FGF13: variants seen among roughly 807,000 people sequenced by gnomAD.
The protein encoded by FGF13 is fibroblast growth factor 13.
A neutral mutation model predicts 19.5 loss-of-function variants in FGF13; 2 were observed. The observed-to-expected ratio is 0.10, with a 90% CI of 0.04 to 0.32. FGF13 has a LOEUF of 0.32. FGF13 is among the 10% of genes least tolerant of loss of function. The probability of loss-of-function intolerance (pLI) is 1.00; values close to 1 mark genes in which losing one functional copy is unlikely to be tolerated. For missense variants in FGF13, 113 were observed against 192.7 expected (o/e 0.59, Z 2.45); for synonymous variants, 72 against 76.9 (o/e 0.94, Z 0.33).
intron 1 of FGF13, among the ~76,000 whole-genome samples, chrX:138,984,578 GAAGAAGA>G (rs2091981837): frequency 1.8e-5 from 1 of 56,515 alleles, no homozygotes; most frequent in African/African-American, 6.8e-5. Context: ...AGAAGAAGAA[GAAGAAGA>G]AGAAGGAGGA....
chrX:139,178,079 C>T (rs1409297298), intron 1 of FGF13, among the ~76,000 whole-genome samples: 1 of 111,718 alleles, frequency 9.0e-6, no homozygotes, highest in Admixed American at 9.5e-5. Flanking sequence ...GAGCTGGGTA[C>T]CTCAGTTGGA....
At chrX:139,171,154 T>C (rs1049044284) in intron 1 of FGF13, among the ~76,000 whole-genome samples, 1 of 110,067 alleles carries the variant, frequency 9.1e-6, no homozygotes, top group Non-Finnish European at 1.9e-5. Flanking sequence ...AACTGGATTA[T>C]GAGAACCTAG....
At chrX:139,029,007 G>A (rs950232494) in intron 1 of FGF13, among the ~76,000 whole-genome samples, 6 of 110,560 alleles carry the variant, frequency 5.4e-5, no homozygotes, top group African/African-American at 2.0e-4. Flanking sequence ...GTAGCTGTAT[G>A]ACCTTAAGGA....
intron 1 of FGF13, among the ~76,000 whole-genome samples, chrX:139,133,581 T>TA (rs2148234749): frequency 9.0e-6 from 1 of 110,949 alleles, no homozygotes; most frequent in African/African-American, 3.3e-5. Flanking sequence ...ACTATGCAAT[T>TA]ATAGTGCTCT....
chrX:138,728,968 T>A (rs1397601872), intron 1 of FGF13, among the ~76,000 whole-genome samples: 1 of 111,077 alleles, frequency 9.0e-6, no homozygotes, highest in Non-Finnish European at 1.9e-5. Context: ...TCACTAAAGC[T>A]CAGATCTAGA....
chrX:139,124,410 G>A (rs1196689363), intron 1 of FGF13, among the ~76,000 whole-genome samples: 1 of 111,993 alleles, frequency 8.9e-6, no homozygotes, highest in East Asian at 2.8e-4. Flanking sequence ...TTCTTCTTCA[G>A]GATAAACATC....
At chrX:139,147,717 G>A (rs767030660) in intron 1 of FGF13, among the ~76,000 whole-genome samples, 2 of 110,908 alleles carry the variant, frequency 1.8e-5, no homozygotes, top group Non-Finnish European at 3.8e-5. Flanking sequence ...CTCTGCCCTC[G>A]TCTTCATATG....
At position 138,620,518 on chromosome X, in the gene FGF13, A is replaced by G. The variant is rs1026952547; in HGVS notation, c.*12332T>C. ...AAAAAAAAAGAAATCAAACCATAGT[A>G]CTACAGGAAAATCATCAATCACAAA... On this transcript the variant is annotated 3_prime_UTR_variant, in exon 5 of 5. Transcript: ENST00000315930. 1 of 111,483 alleles carries G rather than the reference A, an allele frequency of 9.0e-6. No individual in the cohort carries two copies. Among genetic ancestry groups the G allele is most frequent in the Admixed American group, 9.6e-5 (1 of 10,426 alleles). The allele number at this position is 111,483 out of a possible 1,213,427, so 9.2% of individuals were successfully genotyped here.
chrX:138,658,938 C>T (rs772821342), intron 3 of FGF13, among the ~76,000 whole-genome samples: 6 of 111,721 alleles, frequency 5.4e-5, no homozygotes, highest in African/African-American at 1.3e-4. Context: ...GAAAAACATT[C>T]GCCTCTATCA....
chrX:139,187,577 G>T (rs1368107394), intron 1 of FGF13, among the ~76,000 whole-genome samples: 1 of 111,172 alleles, frequency 9.0e-6, no homozygotes, highest in African/African-American at 3.3e-5. Context: ...AAACCCTGAG[G>T]CCTCTAATCT....
intron 1 of FGF13, among the ~76,000 whole-genome samples, chrX:138,928,013 T>C (rs1417035676): frequency 8.9e-6 from 1 of 111,850 alleles, no homozygotes; most frequent in African/African-American, 3.2e-5. Context: ...TAAAATATAT[T>C]ACAGTAAAAC....
At position 138,971,963 on chromosome X, in the gene FGF13, C is replaced by T. The variant is rs147394054; in HGVS notation, c.-112-107313G>A. Among the ~76,000 whole-genome samples the T allele has an allele frequency of 2.7e-3, 295 of 110,829 alleles. 2 individuals are homozygous for T. Among genetic ancestry groups the T allele is most frequent in the African/African-American group, 9.1e-3 (278 of 30,477 alleles). On this transcript the variant is annotated intron_variant, in intron 1 of 2. Coordinates refer to the FGF13 transcript ENST00000421460. ...AGATCACATCATATTTGCCCTTCTGCGCCTGGCTTATTTCACTTAACATAA... is the reference window on the plus strand; with the variant it reads ...AGATCACATCATATTTGCCCTTCTGTGCCTGGCTTATTTCACTTAACATAA...
intron 1 of FGF13, among the ~76,000 whole-genome samples, chrX:138,913,604 A>AAGAG (rs1298398161): frequency 9.8e-6 from 1 of 102,433 alleles, no homozygotes; most frequent in East Asian, 3.1e-4. Context: ...AGAGAAGAAA[A>AAGAG]AGAGAGAGAG....
At chrX:138,838,651 T>C (rs2091129388) in intron 3 of FGF13, among the ~76,000 whole-genome samples, 1 of 112,037 alleles carries the variant, frequency 8.9e-6, no homozygotes, top group Admixed American at 9.4e-5. Flanking sequence ...TTGAAGGTGC[T>C]GTGTTTACTG....
At chrX:138,701,545 C>G (rs984401096) in intron 3 of FGF13, among the ~76,000 whole-genome samples, 1 of 112,354 alleles carries the variant, frequency 8.9e-6, no homozygotes, top group Non-Finnish European at 1.9e-5. Context: ...TATTAAGCAA[C>G]CAGACCACTG....
Position 139,189,494 on chromosome X carries a change from G to A in FGF13, c.-113+13922C>T, listed in dbSNP as rs57819712. Among the ~76,000 whole-genome samples, 637 of 111,523 alleles carry A rather than the reference G, an allele frequency of 5.7e-3. 3 individuals are homozygous for A. The highest frequency in any genetic ancestry group is 0.02 in the African/African-American group (613 of 30,688). On this transcript the variant is annotated intron_variant, in intron 1 of 2. Coordinates refer to the FGF13 transcript ENST00000421460. ...AAATTCCCACACACACTACAACATG[G>A]ATGAGCCTCAAGGCTCATCTTTTCC...
Position 138,805,209 on chromosome X carries a change from A to G in FGF13, c.217+52303T>C, listed in dbSNP as rs1434137559. Among the ~76,000 whole-genome samples, 3 of 111,906 alleles carry G rather than the reference A, an allele frequency of 2.7e-5. No individual in the cohort carries two copies. In the Admixed American group the frequency reaches 2.9e-4, roughly 11 times the overall value. ...CAGATACGGATAACAAAAATCATCTATATATGGTAACTTGGGGAAAATAAA... is the reference window on the plus strand; with the variant it reads ...CAGATACGGATAACAAAAATCATCTGTATATGGTAACTTGGGGAAAATAAA... On this transcript the variant is annotated intron_variant, in intron 3 of 6. Transcript: ENST00000436198.
At chrX:138,783,149 A>G (rs1453316246) in intron 3 of FGF13, among the ~76,000 whole-genome samples, 3 of 92,856 alleles carry the variant, frequency 3.2e-5, no homozygotes, top group Non-Finnish European at 6.3e-5. Context: ...CTTACACCTT[A>G]TACAAAAATC....
intron 1 of FGF13, among the ~76,000 whole-genome samples, chrX:139,098,618 A>T (rs1469136313): frequency 1.8e-5 from 2 of 111,654 alleles, no homozygotes; most frequent in South Asian, 3.8e-4. Flanking sequence ...ATCCTAAGCA[A>T]ATTAATGTCC....
Sources: allele counts gnomAD v4.1 joint callset (sites outside exome capture counted in the v4.1 genomes callset), GRCh38; gene constraint gnomAD v4.1.1; transcripts MANE v1.5; gene names NCBI Gene and HGNC (gene_info 2026-07-23, HGNC 2026-07-21).